The following RSL1D1 variants were observed in gnomAD, a reference collection of about 807,000 sequenced individuals.
RSL1D1 encodes ribosomal L1 domain containing 1.
A neutral mutation model predicts 44.6 loss-of-function variants in RSL1D1; 34 were observed. That is an observed-to-expected ratio of 0.76 (90% CI 0.58 to 1.02). RSL1D1 has a LOEUF of 1.02. Ranked by LOEUF, RSL1D1 falls within the 50% of genes least tolerant of loss-of-function variation. RSL1D1 has a pLI of 0.00. For synonymous variants in RSL1D1, 271 were observed against 207.4 expected (o/e 1.31, Z -2.63); for missense variants, 767 against 568.1 (o/e 1.35, Z -3.56).
rs889931502 is a variant in RSL1D1, at chr16:11,836,415, C to T, written c.*1372G>A. ...TCTTTGGCATGCAAGAACATTCCTG[C>T]ACTGCAGTGAATCTGTGAACTTACT... On this transcript the variant is annotated 3_prime_UTR_variant, in exon 9 of 9. Coordinates refer to ENST00000571133, the MANE Select transcript of RSL1D1 (RefSeq NM_015659.3). 1 of 152,188 alleles carries T rather than the reference C, an allele frequency of 6.6e-6. No individual in the cohort carries two copies. The highest frequency in any genetic ancestry group is 2.4e-5 in the African/African-American group (1 of 41,454). 9.4% of individuals were successfully genotyped at this position (152,188 alleles called of 1,614,324 possible).
intron 3 of RSL1D1, 57 bp from the exon 4 acceptor site, chr16:11,846,900 A>T: frequency 6.9e-7 from 1 of 1,444,554 alleles, no homozygotes; most frequent in South Asian, 1.2e-5. Flanking sequence ...CAAGGAGAAG[A>T]AATACTTAGG....
chr16:11,844,588 C>G (rs1200875937), intron 5 of RSL1D1, among the ~76,000 whole-genome samples: 4 of 152,232 alleles, frequency 2.6e-5, no homozygotes, highest in Non-Finnish European at 5.9e-5. Flanking sequence ...CAGAGACCAC[C>G]TGTCCTGCCC....
At chr16:11,845,205 C>T (rs1204602617) in intron 5 of RSL1D1, among the ~76,000 whole-genome samples, 1 of 152,186 alleles carries the variant, frequency 6.6e-6, no homozygotes, top group Non-Finnish European at 1.5e-5. Context: ...ATAATCTCAA[C>T]ACTTTTGGAG....
rs772881396 is a variant in RSL1D1, at chr16:11,837,987, C to T, written c.1273G>A (p.Gly425Arg). The change falls in exon 9 of 9, where the codon GGG (glycine) becomes AGG (arginine). Residue 425 changes from glycine to arginine, a missense_variant. Gly to Arg is a moderately radical substitution (Grantham distance 125). Transcript: ENST00000571133. ...TPKAAESETP[G>R]KSPEKKPKIK... ...TTTGGCTTCTTCTCTGGGCTTTTCC[C>T]TGGGGTCTCAGACTCTGCAGCTTTT... The T allele has an allele frequency of 1.2e-6, 2 of 1,613,852 alleles. No homozygotes were observed. The highest frequency in any genetic ancestry group is 2.7e-5 in the African/African-American group (2 of 74,852).
intron 8 of RSL1D1, among the ~76,000 whole-genome samples, chr16:11,838,516 C>G (rs931624646): frequency 6.6e-6 from 1 of 151,902 alleles, no homozygotes; most frequent in African/African-American, 2.4e-5. Context: ...AGTTAACCCC[C>G]AAAAGGTACA....
intron 7 of RSL1D1, among the ~76,000 whole-genome samples, chr16:11,840,463 G>C (rs1209383187): frequency 6.6e-6 from 1 of 152,158 alleles, no homozygotes; most frequent in Non-Finnish European, 1.5e-5. Context: ...CTACTCAGGA[G>C]GGTGAGGCAC....
In RSL1D1 at chr16:11,836,717, A is replaced by G. The variant is rs1241109028; in HGVS notation, c.*1070T>C. Reference sequence around the variant, plus strand: ...CATGTTAATTTCCCTTCCCATATGGATGCTAATCCAGTGACTCATAAGCTT... The same window carrying G: ...CATGTTAATTTCCCTTCCCATATGGGTGCTAATCCAGTGACTCATAAGCTT... On this transcript the variant is annotated 3_prime_UTR_variant, in exon 9 of 9. Transcript: ENST00000571133. 1 of 152,186 alleles carries G rather than the reference A, an allele frequency of 6.6e-6. No homozygotes were observed. Among genetic ancestry groups the G allele is most frequent in the African/African-American group, 2.4e-5 (1 of 41,446 alleles). The allele number at this position is 152,186 out of a possible 1,614,324, so 9.4% of individuals were successfully genotyped here. A position where few individuals can be genotyped will look rare whatever the true frequency, so the allele number is the denominator to read the frequency against.
At position 11,833,989 on chromosome 16, in the gene RSL1D1, G is replaced by C. The variant is rs892900305; in HGVS notation, c.*3798C>G. 6.6e-6 allele frequency: 1 copy of C among 152,146 alleles called. No homozygotes were observed. The highest frequency in any genetic ancestry group is 6.6e-5 in the Admixed American group (1 of 15,256). 9.4% of individuals were successfully genotyped at this position (152,146 alleles called of 1,614,324 possible). ...ATTTGGTTCATTAAATCTCCCTGGT[G>C]AAGAGGATGGATTCCAGAAACCCAG... On this transcript the variant is annotated 3_prime_UTR_variant, in exon 9 of 9. Transcript: ENST00000571133.
Position 11,841,675 on chromosome 16 carries a change from G to A in RSL1D1, c.855+20C>T. On this transcript the variant is annotated intron_variant, in intron 7 of 8. Transcript: ENST00000571133. The stretch of plus-strand genomic sequence containing the variant: ...ACACCCTTCATTATTCATTCTGTAA[G>A]TATTTAAAATTCTACTAACTTTTTT... 6.2e-7 allele frequency: 1 copy of A among 1,600,142 alleles called. No individual in the cohort carries two copies. Among genetic ancestry groups the A allele is most frequent in the Non-Finnish European group, 8.5e-7 (1 of 1,170,512 alleles).
At chr16:11,847,113 C>T (rs2053804560) in intron 3 of RSL1D1, among the ~76,000 whole-genome samples, 1 of 152,124 alleles carries the variant, frequency 6.6e-6, no homozygotes. Flanking sequence ...TATGTGCTTA[C>T]GCCTGTAATA....
intron 5 of RSL1D1, among the ~76,000 whole-genome samples, chr16:11,844,181 A>G (rs371304966): frequency 1.3e-5 from 2 of 152,330 alleles, no homozygotes; most frequent in East Asian, 3.9e-4. Context: ...AGCATCCCAG[A>G]TGGAAAGATG....
Position 11,847,709 on chromosome 16 carries a change from T to C in RSL1D1, c.343A>G (p.Arg115Gly), listed in dbSNP as rs761495746. Reference protein sequence around the residue: ...STPEKTEQFYRKLLNKHGIKT... With the variant: ...STPEKTEQFYGKLLNKHGIKT... ...ATTCCATGCTTGTTTAAAAGCTTTCTATAAAACTGTTCTGTCTTTTCAGGA... is the reference window on the plus strand; with the variant it reads ...ATTCCATGCTTGTTTAAAAGCTTTCCATAAAACTGTTCTGTCTTTTCAGGA... The change falls in exon 3 of 9, where the codon AGA (arginine) becomes GGA (glycine). Residue 115 changes from arginine (R) to glycine (G), a missense_variant. Physicochemically the swap from Arg to Gly is moderately radical, Grantham distance 125 (BLOSUM62 -2). Coordinates refer to ENST00000571133, the MANE Select transcript of RSL1D1 (RefSeq NM_015659.3). 9.3e-6 allele frequency: 15 copies of C among 1,613,276 alleles called. No individual in the cohort carries two copies. Among genetic ancestry groups the C allele is most frequent in the African/African-American group, 2.7e-5 (2 of 75,050 alleles).
In RSL1D1 at chr16:11,839,599, C is replaced by G. The variant is rs2053749340; in HGVS notation, c.1146+96G>C. On this transcript the variant is annotated intron_variant, in intron 8 of 8. Transcript: ENST00000571133. ...ACCTTCACAGTTCTTTGGGTTCACTCTAGTATTTTTCATCATTTATTGCTC... is the reference window on the plus strand; with the variant it reads ...ACCTTCACAGTTCTTTGGGTTCACTGTAGTATTTTTCATCATTTATTGCTC... 33 of 1,488,344 alleles carry G rather than the reference C, an allele frequency of 2.2e-5. 1 individual carries two copies. Among genetic ancestry groups the G allele is most frequent in the Non-Finnish European group, 2.7e-5 (30 of 1,121,690 alleles). 92.2% of individuals were successfully genotyped at this position (1,488,344 alleles called of 1,614,324 possible).
chr16:11,841,864 T>C, intron 6 of RSL1D1, 43 bp downstream of exon 6: 4 of 1,611,978 alleles, frequency 2.5e-6, no homozygotes, highest in Non-Finnish European at 3.4e-6. Flanking sequence ...ATACTTTGTT[T>C]CTTTTAAATG....
At position 11,834,104 on chromosome 16, in the gene RSL1D1, G is replaced by T. The variant is rs2053701594; in HGVS notation, c.*3683C>A. On this transcript the variant is annotated 3_prime_UTR_variant, in exon 9 of 9. Coordinates refer to ENST00000571133, the MANE Select transcript of RSL1D1 (RefSeq NM_015659.3). Reference sequence around the variant, plus strand: ...TTCGCCCTCCTCTTGGCCCCCGGGGGAGACTACTGTTGGCTCCTAGCACTA... The same window carrying T: ...TTCGCCCTCCTCTTGGCCCCCGGGGTAGACTACTGTTGGCTCCTAGCACTA... The T allele has an allele frequency of 6.6e-6, 1 of 152,090 alleles. No homozygotes were observed. Among genetic ancestry groups the T allele is most frequent in the African/African-American group, 2.4e-5 (1 of 41,426 alleles). The allele number at this position is 152,090 out of a possible 1,614,324, so 9.4% of individuals were successfully genotyped here. A position where few individuals can be genotyped will look rare whatever the true frequency, so the allele number is the denominator to read the frequency against.
chr16:11,851,341 G>T, intron 1 of RSL1D1, 67 bp downstream of exon 1: 1 of 1,476,574 alleles, frequency 6.8e-7, no homozygotes, highest in Non-Finnish European at 9.5e-7. Context: ...CTCGGGTTCC[G>T]GCACCCTGCG....
At chr16:11,841,468 A>G (rs2053763337) in intron 7 of RSL1D1, 1 of 407,158 alleles carries the variant, frequency 2.5e-6, no homozygotes, top group African/African-American at 2.0e-5. Flanking sequence ...CAATTTATCA[A>G]TAAATACAAG....
intron 5 of RSL1D1, among the ~76,000 whole-genome samples, chr16:11,842,702 C>G (rs150892773): frequency 2.0e-5 from 3 of 151,734 alleles, no homozygotes; most frequent in South Asian, 2.1e-4. Context: ...AGATTATCAT[C>G]TTTCATGTAC....
chr16:11,848,738 C>G (rs1271924036), intron 2 of RSL1D1, among the ~76,000 whole-genome samples: 1 of 152,096 alleles, frequency 6.6e-6, no homozygotes, highest in Non-Finnish European at 1.5e-5. Context: ...AAGCAATCCA[C>G]CTGCCTCAGC....
Sources: gnomAD v4.1 joint callset for allele counts (sites outside exome capture counted in the v4.1 genomes callset) on GRCh38, gnomAD v4.1.1 for gene constraint, MANE v1.5 for transcripts, NCBI Gene and HGNC (gene_info 2026-07-23, HGNC 2026-07-21) for gene names.